Variants in IL1RAPL2 observed in about 807,000 individuals in gnomAD.
IL1RAPL2 encodes interleukin 1 receptor accessory protein like 2.
In IL1RAPL2, 3 loss-of-function variants were observed where a neutral mutation model predicts 44.1. That is an observed-to-expected ratio of 0.07 (90% CI 0.03 to 0.18). IL1RAPL2 has a LOEUF of 0.18. IL1RAPL2 is among the 10% of genes least tolerant of loss of function. IL1RAPL2 has a pLI of 1.00. For synonymous variants in IL1RAPL2, 181 were observed against 178.8 expected, an observed-to-expected ratio of 1.01 and a Z score of -0.10; for missense variants, 391 against 496.4, an observed-to-expected ratio of 0.79 and a Z score of 2.02.
intron 2 of IL1RAPL2, among the ~76,000 whole-genome samples, chrX:104,882,053 G>A (rs1036936841): frequency 8.9e-6 from 1 of 112,143 alleles, no homozygotes; most frequent in Non-Finnish European, 1.9e-5. Flanking sequence ...AGGCATATAT[G>A]CTTCTCTTTA....
At chrX:105,161,802 ATTAGAG>A (rs1002151571) in intron 2 of IL1RAPL2, among the ~76,000 whole-genome samples, 1 of 111,759 alleles carries the variant, frequency 8.9e-6, no homozygotes, top group African/African-American at 3.3e-5. Flanking sequence ...TTTGCCATAA[ATTAGAG>A]TTAATTATAA....
chrX:105,617,408 G>A (rs976803592), intron 6 of IL1RAPL2, among the ~76,000 whole-genome samples: 2 of 111,013 alleles, frequency 1.8e-5, no homozygotes, highest in African/African-American at 6.5e-5. Flanking sequence ...CAATTCTGGG[G>A]ACTTGCTTCT....
At chrX:104,727,459 C>G (rs1324115065) in intron 2 of IL1RAPL2, among the ~76,000 whole-genome samples, 1 of 111,135 alleles carries the variant, frequency 9.0e-6, no homozygotes, top group African/African-American at 3.3e-5. Flanking sequence ...TTGCGGAGAA[C>G]AGGGAATGCT....
At chrX:105,115,297 A>T (rs983045122) in intron 2 of IL1RAPL2, among the ~76,000 whole-genome samples, 2 of 111,691 alleles carry the variant, frequency 1.8e-5, no homozygotes, top group Admixed American at 9.5e-5. Context: ...AGAGCGAAGG[A>T]ACAAAGATTC....
intron 6 of IL1RAPL2, among the ~76,000 whole-genome samples, chrX:105,631,000 C>T (rs1451629741): frequency 9.0e-6 from 1 of 111,245 alleles, no homozygotes; most frequent in Non-Finnish European, 1.9e-5. Context: ...ATTTTACATT[C>T]ACCACTGGAA....
At chrX:105,434,011 A>G (rs939448048) in intron 5 of IL1RAPL2, among the ~76,000 whole-genome samples, 6 of 111,840 alleles carry the variant, frequency 5.4e-5, no homozygotes, top group African/African-American at 1.9e-4. Flanking sequence ...AATTTATAAT[A>G]TTTAAAGAAC....
At chrX:105,214,660 C>A (rs1216938749) in intron 3 of IL1RAPL2, among the ~76,000 whole-genome samples, 2 of 111,839 alleles carry the variant, frequency 1.8e-5, no homozygotes, top group Non-Finnish European at 3.8e-5. Context: ...CACCTCAAAT[C>A]AACAGAATAT....
chrX:105,512,981 A>G (rs1234473364), intron 6 of IL1RAPL2, among the ~76,000 whole-genome samples: 2 of 109,874 alleles, frequency 1.8e-5, no homozygotes, highest in Admixed American at 1.9e-4. Context: ...ATGTGTTCTC[A>G]TTGTTCAACT....
chrX:104,981,528 A>C (rs1358738615), intron 2 of IL1RAPL2, among the ~76,000 whole-genome samples: 2 of 111,021 alleles, frequency 1.8e-5, no homozygotes. Context: ...ATCTCTGAAG[A>C]AAGTTTGATT....
intron 5 of IL1RAPL2, among the ~76,000 whole-genome samples, chrX:105,468,788 T>C (rs1482358494): frequency 8.9e-6 from 1 of 111,883 alleles, no homozygotes; most frequent in African/African-American, 3.2e-5. Flanking sequence ...TTCTGCATTT[T>C]TTATCTGTGA....
intron 6 of IL1RAPL2, among the ~76,000 whole-genome samples, chrX:105,657,506 G>A (rs1425662040): frequency 8.9e-6 from 1 of 112,105 alleles, no homozygotes; most frequent in Non-Finnish European, 1.9e-5. Flanking sequence ...ACCTTACTCA[G>A]AGCTATACTT....
intron 5 of IL1RAPL2, among the ~76,000 whole-genome samples, chrX:105,371,346 A>G (rs971524530): frequency 5.4e-5 from 6 of 111,719 alleles, no homozygotes; most frequent in East Asian, 2.8e-4. Context: ...GTTTTCTTCT[A>G]TAGTTTTTAT....
chrX:105,181,841 G>A (rs1187830488), intron 2 of IL1RAPL2, among the ~76,000 whole-genome samples: 1 of 110,462 alleles, frequency 9.1e-6, no homozygotes, highest in African/African-American at 3.3e-5. Flanking sequence ...GAGGCAGGTG[G>A]ATCACGAGGT....
chrX:105,437,691 A>G (rs755748318), intron 5 of IL1RAPL2, among the ~76,000 whole-genome samples: 2 of 111,487 alleles, frequency 1.8e-5, no homozygotes, highest in East Asian at 2.8e-4. Context: ...CTTGGGTTCT[A>G]TGTACCCAGT....
chrX:105,446,275 A>G (rs1325683147), intron 5 of IL1RAPL2, among the ~76,000 whole-genome samples: 1 of 110,796 alleles, frequency 9.0e-6, no homozygotes, highest in Non-Finnish European at 1.9e-5. Flanking sequence ...TTCAGCCTAC[A>G]TGTATCTTTC....
At chrX:105,433,181 C>T (rs2035859561) in intron 5 of IL1RAPL2, among the ~76,000 whole-genome samples, 1 of 110,652 alleles carries the variant, frequency 9.0e-6, no homozygotes, top group Non-Finnish European at 1.9e-5. Context: ...AATATAGTGA[C>T]TATCAATATG....
intron 2 of IL1RAPL2, among the ~76,000 whole-genome samples, chrX:105,165,039 A>C (rs1441359984): frequency 9.0e-6 from 1 of 111,374 alleles, no homozygotes; most frequent in Non-Finnish European, 1.9e-5. Context: ...CCTTGTCCCC[A>C]AACTGCTCCT....
At chrX:105,161,916 A>T (rs1458545308) in intron 2 of IL1RAPL2, among the ~76,000 whole-genome samples, 1 of 111,962 alleles carries the variant, frequency 8.9e-6, no homozygotes, top group East Asian at 2.8e-4. Context: ...TGGTCCTAAA[A>T]GCGGTGTTAT....
At chrX:105,670,141 A>ATATATATC (rs2037808726) in intron 6 of IL1RAPL2, among the ~76,000 whole-genome samples, 1 of 53,941 alleles carries the variant, frequency 1.9e-5, no homozygotes, top group African/African-American at 6.7e-5. Flanking sequence ...ATATATATAT[A>ATATATATC]TATATATCTC....
Sources: allele counts gnomAD v4.1 joint callset (sites outside exome capture counted in the v4.1 genomes callset), GRCh38; gene constraint gnomAD v4.1.1; transcripts MANE v1.5; gene names NCBI Gene and HGNC (gene_info 2026-07-23, HGNC 2026-07-21).